RBFOX2: variants seen among roughly 807,000 people sequenced by gnomAD.
The protein encoded by RBFOX2 is RNA binding protein fox-1 homolog 2.
In RBFOX2, 10 loss-of-function variants were observed where a neutral mutation model predicts 49.1. That is an observed-to-expected ratio of 0.20 (90% CI 0.13 to 0.35). The LOEUF is 0.35. Among genes scored for constraint, RBFOX2 ranks in the 10% least tolerant of loss-of-function variants. RBFOX2 has a pLI of 1.00. For synonymous variants in RBFOX2, 183 were observed against 187.4 expected, an observed-to-expected ratio of 0.98 and a Z score of 0.19; for missense variants, 323 against 486.9, an observed-to-expected ratio of 0.66 and a Z score of 3.17.
At chr22:35,760,741 C>A (rs1039138551) in intron 8 of RBFOX2, among the ~76,000 whole-genome samples, 1 of 152,074 alleles carries the variant, frequency 6.6e-6, no homozygotes, top group African/African-American at 2.4e-5. Context: ...ATTCCATGTC[C>A]ACTGAATCCT....
At chr22:35,794,697 T>A (rs1948439166) in intron 2 of RBFOX2, among the ~76,000 whole-genome samples, 1 of 152,006 alleles carries the variant, frequency 6.6e-6, no homozygotes. Flanking sequence ...ACTTCATCAG[T>A]TCTGATCAGA....
intron 1 of RBFOX2, among the ~76,000 whole-genome samples, chr22:35,973,033 A>C (rs2056965001): frequency 6.6e-6 from 1 of 152,194 alleles, no homozygotes; most frequent in Non-Finnish European, 1.5e-5. Context: ...CAAATCGATC[A>C]AGAAGGCCAG....
chr22:35,739,571 C>G (rs958426830), exon 12 of RBFOX2: 1 of 152,566 alleles, frequency 6.6e-6, no homozygotes. Flanking sequence ...ATACTGTGAA[C>G]AGAAAAATAC....
chr22:35,884,465 A>T (rs546334655), intron 1 of RBFOX2, among the ~76,000 whole-genome samples: 12 of 152,276 alleles, frequency 7.9e-5, no homozygotes, highest in African/African-American at 2.9e-4. Flanking sequence ...TGCAATCATT[A>T]AAGCTTGACT....
intron 1 of RBFOX2, among the ~76,000 whole-genome samples, chr22:35,817,733 T>C (rs372115956): frequency 2.0e-5 from 3 of 152,074 alleles, no homozygotes; most frequent in East Asian, 3.8e-4. Context: ...GCTGCAGTCA[T>C]GTAAGGGGGC....
intron 1 of RBFOX2, among the ~76,000 whole-genome samples, chr22:35,865,549 TCCC>T (rs1284901065): frequency 6.6e-6 from 1 of 151,948 alleles, no homozygotes; most frequent in Non-Finnish European, 1.5e-5. Context: ...CCTTTTCCCC[TCCC>T]CCATCTTTAT....
At chr22:35,985,938 AGATAGATAGATAGAT>A (rs2057700688) in intron 1 of RBFOX2, among the ~76,000 whole-genome samples, 1 of 151,214 alleles carries the variant, frequency 6.6e-6, no homozygotes, top group African/African-American at 2.4e-5. Context: ...ATAGATAGAT[AGATAGATAGATAGAT>A]AGAGTCTTCC....
rs1033245603 is a variant in RBFOX2 at position 35,759,524 on chromosome 22, C to A, written c.887+364G>T. On this transcript the variant is annotated intron_variant, in intron 9 of 11. Coordinates refer to ENST00000405409, the Ensembl canonical transcript of RBFOX2. This position sits in a 1 kb window ranked among gnomAD's most constrained non-coding sequence, Gnocchi z 4.6. ...TGAACACAGCAGATGCAGGCTTGTA[C>A]TACAATCTTGAGCTCCTCTTTTGGT... is the stretch of plus-strand genomic sequence containing the variant. Among the ~76,000 whole-genome samples the A allele has an allele frequency of 7.2e-5, 11 of 152,178 alleles. No homozygotes were observed. The highest frequency in any genetic ancestry group is 3.9e-4 in the Admixed American group (6 of 15,278).
At chr22:35,742,515 G>C (rs1930458386) in exon 12 of RBFOX2, 1 of 152,640 alleles carries the variant, frequency 6.6e-6, no homozygotes, top group African/African-American at 2.4e-5. Context: ...CCCATAACCA[G>C]AAGCTCCATG....
intron 1 of RBFOX2, among the ~76,000 whole-genome samples, chr22:35,928,616 C>T (rs543929584): frequency 1.3e-5 from 2 of 152,328 alleles, no homozygotes; most frequent in South Asian, 2.1e-4. Context: ...TGGATGAAAA[C>T]AATTCTGTTT....
intron 2 of RBFOX2, among the ~76,000 whole-genome samples, chr22:35,796,483 C>A (rs1948804602): frequency 6.6e-6 from 1 of 152,130 alleles, no homozygotes; most frequent in Non-Finnish European, 1.5e-5. Context: ...AATCTGGCCT[C>A]ACAGATAGCT....
At chr22:36,028,704 C>T (rs1051161552) in exon 1 of RBFOX2, among the ~76,000 whole-genome samples, 3 of 150,940 alleles carry the variant, frequency 2.0e-5, no homozygotes, top group Admixed American at 1.3e-4. Flanking sequence ...CACGCACACG[C>T]GAAACCCGGC....
intron 1 of RBFOX2, among the ~76,000 whole-genome samples, chr22:35,899,220 C>G (rs187489742): frequency 6.6e-6 from 1 of 150,972 alleles, no homozygotes; most frequent in East Asian, 1.9e-4. Context: ...AAGACATACC[C>G]TGCAGCAAAG....
chr22:35,870,195 A>G (rs1291039443), intron 1 of RBFOX2, among the ~76,000 whole-genome samples: 1 of 152,174 alleles, frequency 6.6e-6, no homozygotes, highest in African/African-American at 2.4e-5. Flanking sequence ...GGAACGCAGG[A>G]GGCCCAGGAG....
At chr22:35,925,027 T>C (rs890421540) in intron 1 of RBFOX2, among the ~76,000 whole-genome samples, 4 of 151,160 alleles carry the variant, frequency 2.6e-5, no homozygotes, top group Admixed American at 1.3e-4. Flanking sequence ...AAAATAAATA[T>C]ATATATATAT....
chr22:35,751,866 A>G (rs1308753153), intron 9 of RBFOX2, among the ~76,000 whole-genome samples: 1 of 152,214 alleles, frequency 6.6e-6, no homozygotes, highest in East Asian at 1.9e-4. Context: ...CAATAATCAA[A>G]CCTTTCAAAC....
At chr22:36,010,841 GGA>G (rs1569522998) in intron 1 of RBFOX2, among the ~76,000 whole-genome samples, 1 of 151,226 alleles carries the variant, frequency 6.6e-6, no homozygotes, top group Non-Finnish European at 1.5e-5. Flanking sequence ...TCTCAGTTAC[GGA>G]GAGGCCATAC....
At chr22:35,908,867 G>T (rs1328706527) in intron 1 of RBFOX2, among the ~76,000 whole-genome samples, 1 of 149,266 alleles carries the variant, frequency 6.7e-6, no homozygotes, top group African/African-American at 2.5e-5. Flanking sequence ...TTTTGAGATG[G>T]AGTCTCGCTC....
intron 1 of RBFOX2, among the ~76,000 whole-genome samples, chr22:35,871,594 G>A (rs2044359800): frequency 6.6e-6 from 1 of 152,190 alleles, no homozygotes; most frequent in Non-Finnish European, 1.5e-5. Context: ...TCTTATTCAA[G>A]GGCTTTGGTG....
Sources: gnomAD v4.1 joint callset for allele counts (sites outside exome capture counted in the v4.1 genomes callset) on GRCh38, gnomAD v4.1.1 for gene constraint, Gnocchi (gnomAD v3.1) non-coding constraint, MANE v1.5 for transcripts, NCBI Gene and HGNC (gene_info 2026-07-23, HGNC 2026-07-21) for gene names.